Variants in SIL1 observed in about 807,000 individuals in gnomAD.
SIL1 encodes SIL1 nucleotide exchange factor, also known as nucleotide exchange factor SIL1.
In SIL1, 40 loss-of-function variants were observed where a neutral mutation model predicts 49.1. The observed-to-expected ratio is 0.81, with a 90% CI of 0.63 to 1.06. The LOEUF is 1.06. Ranked by LOEUF, SIL1 falls within the 50% of genes least tolerant of loss-of-function variation. The probability of loss-of-function intolerance (pLI) is 0.00; values close to 1 mark genes in which losing one functional copy is unlikely to be tolerated. For missense variants in SIL1, 500 were observed against 572.6 expected, an observed-to-expected ratio of 0.87 and a Z score of 1.29; for synonymous variants, 253 against 250.8, an observed-to-expected ratio of 1.01 and a Z score of -0.08.
chr5:139,155,759 C>G (rs979507728), intron 1 of SIL1, among the ~76,000 whole-genome samples: 3 of 152,086 alleles, frequency 2.0e-5, no homozygotes, highest in Non-Finnish European at 4.4e-5. Context: ...ATCTGCAGAC[C>G]ATAGCAGGTG....
rs186034400 is a variant in SIL1 at position 138,989,776 on chromosome 5, A to C, written c.767+31395T>G. ...ACAGGGGTGGAGAGGGTGGCTTTAC[A>C]TGAACTTTGCAGGAACACATCACTT... is the stretch of plus-strand genomic sequence containing the variant. On this transcript the variant is annotated intron_variant, in intron 7 of 9. Transcript: ENST00000394817. 2.0e-5 allele frequency among the ~76,000 whole-genome samples: 3 copies of C among 152,284 alleles called. No homozygotes were observed. In the East Asian group the frequency reaches 5.8e-4, roughly 29 times the overall value.
intron 1 of SIL1, among the ~76,000 whole-genome samples, chr5:139,172,377 G>A (rs1206986314): frequency 6.6e-6 from 1 of 152,110 alleles, no homozygotes; most frequent in Non-Finnish European, 1.5e-5. Context: ...CTGATGCCTG[G>A]AATCCCAGCA....
chr5:139,002,462 T>C (rs1768008609), intron 7 of SIL1, among the ~76,000 whole-genome samples: 1 of 152,128 alleles, frequency 6.6e-6, no homozygotes, highest in African/African-American at 2.4e-5. Context: ...TAAATACTCA[T>C]TGCAGAAAAG....
intron 1 of SIL1, among the ~76,000 whole-genome samples, chr5:139,149,984 C>A (rs1212260268): frequency 6.6e-6 from 1 of 152,182 alleles, no homozygotes; most frequent in African/African-American, 2.4e-5. Context: ...GAGAAGGAAG[C>A]CTGCTATAAG....
chr5:139,031,598 T>C (rs1275363273), intron 5 of SIL1, among the ~76,000 whole-genome samples: 2 of 152,338 alleles, frequency 1.3e-5, no homozygotes, highest in African/African-American at 2.4e-5. Flanking sequence ...TCTAGTTCCT[T>C]CAACTTTCCA....
chr5:139,073,781 C>G (rs887711307), intron 3 of SIL1, among the ~76,000 whole-genome samples: 2 of 151,852 alleles, frequency 1.3e-5, no homozygotes, highest in Non-Finnish European at 2.9e-5. Flanking sequence ...AAAAAATTCG[C>G]CAGGCTTGGT....
At chr5:139,193,975 A>G (rs1752220841) in intron 1 of SIL1, among the ~76,000 whole-genome samples, 3 of 152,314 alleles carry the variant, frequency 2.0e-5, no homozygotes, top group Admixed American at 1.3e-4. Context: ...GTCTAGTCCT[A>G]TGCTCACAAC....
intron 3 of SIL1, among the ~76,000 whole-genome samples, chr5:139,055,994 G>A (rs1356337721): frequency 2.0e-5 from 3 of 151,954 alleles, no homozygotes. Flanking sequence ...CCAGGCTGGA[G>A]TGCAGTGGCG....
At chr5:139,040,243 G>C (rs998592295) in intron 5 of SIL1, among the ~76,000 whole-genome samples, 2 of 152,146 alleles carry the variant, frequency 1.3e-5, no homozygotes, top group Non-Finnish European at 2.9e-5. Flanking sequence ...GTGCCAGCTC[G>C]ATGAGCACAT....
intron 3 of SIL1, among the ~76,000 whole-genome samples, chr5:139,088,672 G>A (rs1289284439): frequency 2.6e-5 from 4 of 152,222 alleles, no homozygotes; most frequent in Admixed American, 6.5e-5. Flanking sequence ...TCAGCAGACA[G>A]TCTACACTTT....
chr5:139,101,632 C>A (rs993597298), intron 3 of SIL1, among the ~76,000 whole-genome samples: 1 of 152,180 alleles, frequency 6.6e-6, no homozygotes, highest in African/African-American at 2.4e-5. Context: ...TGTGTGAATT[C>A]TTTCATGTTA....
intron 7 of SIL1, among the ~76,000 whole-genome samples, chr5:138,991,974 G>C (rs1418769634): frequency 1.3e-5 from 2 of 152,234 alleles, no homozygotes. Context: ...TTTCAGGTTT[G>C]CTGCCAAAGG....
intron 1 of SIL1, among the ~76,000 whole-genome samples, chr5:139,193,441 G>A (rs547466755): frequency 6.6e-6 from 1 of 152,010 alleles, no homozygotes; most frequent in East Asian, 1.9e-4. Flanking sequence ...GGTGGTGGGC[G>A]CCTATAATCC....
At chr5:139,182,834 A>G (rs776392820) in intron 1 of SIL1, among the ~76,000 whole-genome samples, 4 of 152,186 alleles carry the variant, frequency 2.6e-5, no homozygotes, top group African/African-American at 9.7e-5. Context: ...CAGCTGTTAC[A>G]TGGTTTAAAT....
In SIL1 at chr5:139,026,786, G is replaced by A. The variant is rs376395729; in HGVS notation, c.645+15C>T. On this transcript the variant is annotated intron_variant, in intron 6 of 9. Transcript: ENST00000394817. ...GCTGTTAAAAGTCTGACTTATGGAC[G>A]AAGAAATACAGTACCTGATGGACAT... 1.5e-5 allele frequency: 24 copies of A among 1,613,344 alleles called. No individual in the cohort carries two copies. Among genetic ancestry groups the A allele is most frequent in the Admixed American group, 3.3e-5 (2 of 60,024 alleles).
At chr5:139,010,052 G>A (rs1380449422) in intron 7 of SIL1, among the ~76,000 whole-genome samples, 2 of 149,070 alleles carry the variant, frequency 1.3e-5, no homozygotes, top group African/African-American at 4.9e-5. Context: ...ATATCCTGCA[G>A]AGTGTTTTCC....
intron 9 of SIL1, 141 bp downstream of exon 9, chr5:138,951,030 C>A: frequency 1.0e-6 from 1 of 979,242 alleles, no homozygotes; most frequent in Non-Finnish European, 1.6e-6. Context: ...CAATCTCTTC[C>A]AACTGTCTGT....
In SIL1 at chr5:139,044,593, C is replaced by T. The variant is rs116599746; in HGVS notation, c.354-1874G>A. 3.7e-3 allele frequency among the ~76,000 whole-genome samples: 558 copies of T among 152,318 alleles called. 6 individuals are homozygous for T. The highest frequency in any genetic ancestry group is 0.012 in the African/African-American group (515 of 41,566). ...TTTTCCCATGATCAGCTCTACAAGC[C>T]AACCTGCACCTAAGTCTATGTTTTC... On this transcript the variant is annotated intron_variant, in intron 4 of 9. Coordinates refer to ENST00000394817, the MANE Select transcript of SIL1 (RefSeq NM_022464.5).
At chr5:139,159,527 T>C (rs1751467067) in intron 1 of SIL1, among the ~76,000 whole-genome samples, 1 of 152,262 alleles carries the variant, frequency 6.6e-6, no homozygotes, top group African/African-American at 2.4e-5. Context: ...ACCAGATTTT[T>C]TAAGATTTAT....
Sources: gnomAD v4.1 joint callset for allele counts (sites outside exome capture counted in the v4.1 genomes callset) on GRCh38, gnomAD v4.1.1 for gene constraint, MANE v1.5 for transcripts, NCBI Gene and HGNC (gene_info 2026-07-23, HGNC 2026-07-21) for gene names.